Variants in CDYL observed in about 807,000 individuals in gnomAD.
CDYL encodes the protein chromodomain Y-like protein.
A neutral mutation model predicts 47.3 loss-of-function variants in CDYL; 8 were observed. That is an observed-to-expected ratio of 0.17 (90% CI 0.10 to 0.31). CDYL has a LOEUF of 0.31. Among genes scored for constraint, CDYL ranks in the 10% least tolerant of loss-of-function variants. CDYL has a pLI of 1.00. For missense variants in CDYL, 471 were observed against 701.4 expected (o/e 0.67, Z 3.71); for synonymous variants, 266 against 265.0 (o/e 1.00, Z -0.04).
At chr6:4,953,412 T>A (rs1019741125) in intron 6 of CDYL, among the ~76,000 whole-genome samples, 10 of 152,104 alleles carry the variant, frequency 6.6e-5, no homozygotes, top group African/African-American at 9.7e-5. Flanking sequence ...AATTTTTTTT[T>A]AAAATATGCT....
At chr6:4,900,779 G>GTATA (rs59594195) in intron 2 of CDYL, among the ~76,000 whole-genome samples, 25 of 51,598 alleles carry the variant, frequency 4.8e-4, no homozygotes, top group African/African-American at 1.3e-3. Context: ...GTATACGTGT[G>GTATA]TATATATATA....
intron 5 of CDYL, among the ~76,000 whole-genome samples, chr6:4,946,391 T>G (rs551242350): frequency 9.9e-5 from 15 of 152,206 alleles, no homozygotes; most frequent in Admixed American, 2.6e-4. Context: ...CTGCCCCCAG[T>G]GGGGGCATTT....
At chr6:4,821,087 A>C (rs1271119709) in intron 1 of CDYL, among the ~76,000 whole-genome samples, 1 of 152,022 alleles carries the variant, frequency 6.6e-6, no homozygotes, top group Non-Finnish European at 1.5e-5. Context: ...TTTTACCTTT[A>C]TCATTATTCA....
At chr6:4,723,674 C>T (rs58173133) in intron 2 of CDYL, among the ~76,000 whole-genome samples, 2,563 of 152,244 alleles carry the variant, frequency 0.017, 86 homozygotes, top group African/African-American at 0.059. Flanking sequence ...AGGAAGGGGG[C>T]TTGTTGATGG....
At chr6:4,773,276 C>T, upstream of CDYL, 1 of 452,780 alleles carries the variant, frequency 2.2e-6, no homozygotes, top group Non-Finnish European at 4.4e-6. The surrounding 1 kb of genome is among the most constrained non-coding windows in gnomAD (Gnocchi z 4.6). Flanking sequence ...AGTCATATGT[C>T]TTACTAGTGC....
chr6:4,776,831 G>T, intron 1 of CDYL, 24 bp downstream of exon 1: 1 of 849,660 alleles, frequency 1.2e-6, no homozygotes, highest in South Asian at 4.5e-5. Context: ...CCCCGGCCTC[G>T]GGCCGCCCCC....
intron 2 of CDYL, among the ~76,000 whole-genome samples, chr6:4,893,839 C>T (rs1762121902): frequency 6.6e-6 from 1 of 152,238 alleles, no homozygotes; most frequent in South Asian, 2.1e-4. Flanking sequence ...TTCACTAAGA[C>T]ATTCTAACCG....
intron 1 of CDYL, among the ~76,000 whole-genome samples, chr6:4,829,888 G>C (rs948873233): frequency 6.6e-6 from 1 of 152,212 alleles, no homozygotes; most frequent in African/African-American, 2.4e-5. Context: ...AGGCCAGGGA[G>C]GCACAGCAAG....
chr6:4,826,912 T>C (rs74386853), intron 1 of CDYL, among the ~76,000 whole-genome samples: 4,041 of 152,306 alleles, frequency 0.027, 183 homozygotes, highest in African/African-American at 0.092. Context: ...GTGTATTGAA[T>C]TCTCCAACTG....
intron 1 of CDYL, among the ~76,000 whole-genome samples, chr6:4,861,480 G>A (rs1004593212): frequency 2.0e-5 from 3 of 152,180 alleles, no homozygotes; most frequent in Non-Finnish European, 4.4e-5. Context: ...GTTTTTTGAG[G>A]GCCAAGAGGG....
chr6:4,822,640 G>GTATCCATACTTTGTATGTA lies in CDYL; in HGVS notation c.24+45834_24+45835insATCCATACTTTGTATGTAT, dbSNP rs1348346867. On this transcript the variant is annotated intron_variant, in intron 1 of 6. Transcript: ENST00000397588. ...AATCTATCTGAATGTGTCAAAGTAT[G>GTATCCATACTTTGTATGTA]TGTGTAGTATCCAGACAGTGGGATA... Among the ~76,000 whole-genome samples, 11 of 152,314 alleles carry GTATCCATACTTTGTATGTA rather than the reference G, an allele frequency of 7.2e-5. No homozygotes were observed. In the East Asian group the frequency reaches 2.1e-3, roughly 29 times the overall value.
chr6:4,881,736 A>G (rs886602647), intron 1 of CDYL, among the ~76,000 whole-genome samples: 1 of 152,242 alleles, frequency 6.6e-6, no homozygotes, highest in Non-Finnish European at 1.5e-5. Context: ...ATTTATATTT[A>G]TTCACAATTT....
upstream of CDYL, chr6:4,773,022 C>A: frequency 2.4e-6 from 1 of 410,068 alleles, no homozygotes; most frequent in Non-Finnish European, 4.9e-6. The surrounding 1 kb of genome is among the most constrained non-coding windows in gnomAD (Gnocchi z 4.6). Context: ...TCTCAGATTT[C>A]AGGTTTTAGT....
At chr6:4,824,865 G>C (rs1759934975) in intron 1 of CDYL, among the ~76,000 whole-genome samples, 1 of 151,900 alleles carries the variant, frequency 6.6e-6, no homozygotes, top group Non-Finnish European at 1.5e-5. Flanking sequence ...CTGCAAAAAA[G>C]GCTGTTGGAT....
At chr6:4,734,584 G>A (rs1444257438) in intron 2 of CDYL, among the ~76,000 whole-genome samples, 1 of 152,104 alleles carries the variant, frequency 6.6e-6, no homozygotes, top group Non-Finnish European at 1.5e-5. Context: ...CAAGACTTTT[G>A]CATTCAGAAT....
intron 1 of CDYL, among the ~76,000 whole-genome samples, chr6:4,817,690 C>T (rs1270949564): frequency 2.0e-5 from 3 of 152,072 alleles, no homozygotes; most frequent in Admixed American, 6.6e-5. Context: ...AATTAGCCAC[C>T]GTTTTTGTAT....
chr6:4,713,328 G>C (rs1250166435), intron 1 of CDYL, among the ~76,000 whole-genome samples: 2 of 152,130 alleles, frequency 1.3e-5, no homozygotes, highest in African/African-American at 4.8e-5. Context: ...GGCGGGAGGA[G>C]GATCCTGGAG....
At chr6:4,949,434 G>T (rs1303877296) in intron 5 of CDYL, among the ~76,000 whole-genome samples, 1 of 152,160 alleles carries the variant, frequency 6.6e-6, no homozygotes, top group Non-Finnish European at 1.5e-5. Flanking sequence ...GCTCATACTG[G>T]GCCAGTTTCC....
chr6:4,752,352 G>C (rs1758009421), intron 3 of CDYL, among the ~76,000 whole-genome samples: 1 of 152,126 alleles, frequency 6.6e-6, no homozygotes, highest in Admixed American at 6.6e-5. Context: ...GCTCTTTAAA[G>C]CTGTAAGTCA....
Sources: gnomAD v4.1 joint callset for allele counts (sites outside exome capture counted in the v4.1 genomes callset) on GRCh38, gnomAD v4.1.1 for gene constraint, Gnocchi (gnomAD v3.1) non-coding constraint, MANE v1.5 for transcripts, NCBI Gene and HGNC (gene_info 2026-07-23, HGNC 2026-07-21) for gene names.